IER2: variants seen among roughly 807,000 people sequenced by gnomAD.
IER2 encodes immediate early response 2.
For synonymous variants in IER2, 198 were observed against 149.6 expected, an observed-to-expected ratio of 1.32 and a Z score of -2.36; for missense variants, 372 against 325.4, an observed-to-expected ratio of 1.14 and a Z score of -1.10.
intron 1 of IER2, among the ~76,000 whole-genome samples, chr19:13,151,315 G>T (rs544505020): frequency 3.6e-4 from 55 of 152,006 alleles, no homozygotes; most frequent in Non-Finnish European, 7.7e-4. Context: ...TCGGCAGGTC[G>T]TCGCAGTCTG....
intron 1 of IER2, chr19:13,152,431 C>T (rs919110626): frequency 6.6e-6 from 1 of 152,284 alleles, no homozygotes; most frequent in Non-Finnish European, 1.5e-5. Context: ...GGCCCCCTTT[C>T]ACAGCAGTAG....
chr19:13,153,116 T>A lies in IER2; in HGVS notation c.-71T>A. On this transcript the variant is annotated 5_prime_UTR_variant, in exon 2 of 2. The change creates a new upstream start codon in the 5' untranslated region. Transcript: ENST00000292433. ...GTGTAGAGAGGCGTGAGCGAGCCCG[T>A]TGTCCGGAGTGCACCTGCTGCCTGT... 8.4e-7 allele frequency: 1 copy of A among 1,194,346 alleles called. No homozygotes were observed. Among genetic ancestry groups the A allele is most frequent in the Non-Finnish European group, 1.1e-6 (1 of 876,354 alleles). 74.0% of individuals were successfully genotyped at this position (1,194,346 alleles called of 1,614,324 possible).
rs1192258947 is a variant in IER2, at chr19:13,153,023, T to G, written c.-164T>G. 5 of 458,394 alleles carry G rather than the reference T, an allele frequency of 1.1e-5. No homozygotes were observed. The highest frequency in any genetic ancestry group is 9.0e-5 in the South Asian group (2 of 22,252). 28.4% of individuals were successfully genotyped at this position (458,394 alleles called of 1,614,324 possible). ...GGTGTCTCAGTGACGTCACTGGGGG[T>G]ATAAAAGGGCCTGGGTGGCGGGCGC... On this transcript the variant is annotated 5_prime_UTR_variant, in exon 2 of 2. Coordinates refer to ENST00000292433, the MANE Select transcript of IER2 (RefSeq NM_004907.3).
rs2020082397 is a variant in IER2, at chr19:13,152,948, G to A, written c.-239G>A. The A allele has an allele frequency of 1.0e-5, 4 of 385,978 alleles. No homozygotes were observed. Among genetic ancestry groups the A allele is most frequent in the Non-Finnish European group, 1.8e-5 (4 of 216,394 alleles). The allele number at this position is 385,978 out of a possible 1,614,324, so 23.9% of individuals were successfully genotyped here. On this transcript the variant is annotated 5_prime_UTR_variant, in exon 2 of 2. Coordinates refer to ENST00000292433, the MANE Select transcript of IER2 (RefSeq NM_004907.3). ...ATCGCATTCTGTCTCTTTAAGGAGTGTTTGGCCGCGACGAGTTGGAAAGCC... is the reference window on the plus strand; with the variant it reads ...ATCGCATTCTGTCTCTTTAAGGAGTATTTGGCCGCGACGAGTTGGAAAGCC...
At chr19:13,152,478 C>T (rs2020078148) in intron 1 of IER2, 1 of 152,282 alleles carries the variant, frequency 6.6e-6, no homozygotes, top group African/African-American at 2.4e-5. Flanking sequence ...GGCCTAGTGA[C>T]TCTGCCTTGG....
chr19:13,154,080 G>GGGGCGC lies in IER2; in HGVS notation c.*229_*234dup. On this transcript the variant is annotated 3_prime_UTR_variant, in exon 2 of 2. Transcript: ENST00000292433. ...GGACGGCACCGAGGAGTCTGAGCCGGGGGCGCGGGCGCCTTCCGCAGAGAC... is the reference window on the plus strand; with the variant it reads ...GGACGGCACCGAGGAGTCTGAGCCGGGGGCGCGGGCGCGGGCGCCTTCCGCAGAGAC... 2.0e-6 allele frequency: 1 copy of GGGGCGC among 493,660 alleles called. No homozygotes were observed. Among genetic ancestry groups the GGGGCGC allele is most frequent in the Non-Finnish European group, 3.6e-6 (1 of 277,144 alleles). 30.6% of individuals were successfully genotyped at this position (493,660 alleles called of 1,614,324 possible).
chr19:13,153,501 G>A lies in IER2; in HGVS notation c.315G>A (p.Glu105=). Residue 105 remains glutamate, a synonymous_variant, in exon 2 of 2, where the codon GAG becomes GAA. Transcript: ENST00000292433. ...ACACGCAGGAGGCGCCGACAGCCGA[G>A]GAGACCTCCGCCTGCTGTGCCCCGC... ...PMDTQEAPTA[E]ETSACCAPRP... is the part of the protein sequence containing the mutation. 1 of 1,584,838 alleles carries A rather than the reference G, an allele frequency of 6.3e-7. No homozygotes were observed. Among genetic ancestry groups the A allele is most frequent in the Non-Finnish European group, 8.6e-7 (1 of 1,166,560 alleles).
In IER2 at chr19:13,154,247, C is replaced by A; in HGVS notation, c.*389C>A. 1 of 214,064 alleles carries A rather than the reference C, an allele frequency of 4.7e-6. No individual in the cohort carries two copies. The highest frequency in any genetic ancestry group is 1.0e-5 in the Non-Finnish European group (1 of 99,602). The allele number at this position is 214,064 out of a possible 1,614,324, so 13.3% of individuals were successfully genotyped here. A position where few individuals can be genotyped will look rare whatever the true frequency, so the allele number is the denominator to read the frequency against. ...TAAAGATCTCCTCAGGGTCGGACTT[C>A]ATTTTGTACTGTGGGCTGTGCTGGC... is the stretch of plus-strand genomic sequence containing the variant. On this transcript the variant is annotated 3_prime_UTR_variant, in exon 2 of 2. Coordinates refer to ENST00000292433, the MANE Select transcript of IER2 (RefSeq NM_004907.3).
chr19:13,151,798 C>T (rs1259096939), intron 1 of IER2, among the ~76,000 whole-genome samples: 1 of 41,280 alleles, frequency 2.4e-5, no homozygotes, highest in African/African-American at 9.4e-5. Context: ...CCCGCCCCTC[C>T]GCGCCCCCCC....
At chr19:13,151,082 CAGTGGCGCTGTGTGTTGGGG>C (rs2020050285) in intron 1 of IER2, among the ~76,000 whole-genome samples, 4 of 151,880 alleles carry the variant, frequency 2.6e-5, no homozygotes, top group Admixed American at 2.0e-4. Flanking sequence ...CTATGTGTGA[CAGTGGCGCTGTGTGTTGGGG>C]AGCTTCGGGA....
At position 13,153,180 on chromosome 19, in the gene IER2, A is replaced by C; in HGVS notation, c.-7A>C. On this transcript the variant is annotated 5_prime_UTR_variant, in exon 2 of 2. Transcript: ENST00000292433. Reference sequence around the variant, plus strand: ...GGAGCCCCCGCCGCTGTCGCCGTCGAGTCGCCATGGAAGTGCAGAAAGAGG... The same window carrying C: ...GGAGCCCCCGCCGCTGTCGCCGTCGCGTCGCCATGGAAGTGCAGAAAGAGG... 1 of 1,499,268 alleles carries C rather than the reference A, an allele frequency of 6.7e-7. No homozygotes were observed. Among genetic ancestry groups the C allele is most frequent in the Non-Finnish European group, 8.9e-7 (1 of 1,125,270 alleles). The allele number at this position is 1,499,268 out of a possible 1,614,324, so 92.9% of individuals were successfully genotyped here.
In IER2 at chr19:13,153,414, AGCCGAGTCCACG is replaced by A; in HGVS notation, c.235_246del (p.Ser79_Glu82del). 6.3e-7 allele frequency: 1 copy of A among 1,593,326 alleles called. No homozygotes were observed. Among genetic ancestry groups the A allele is most frequent in the Admixed American group, 1.7e-5 (1 of 57,798 alleles). The stretch of plus-strand genomic sequence containing the variant: ...ACCCTCGCCTGCACCCGCCCCGAGA[AGCCGAGTCCACG>A]GCCGAGACAGCGACCCCCGACGGTG... On this transcript the variant is annotated inframe_deletion, in exon 2 of 2. Transcript: ENST00000292433.
At chr19:13,151,807 C>CA (rs59789192) in intron 1 of IER2, among the ~76,000 whole-genome samples, 49,603 of 149,904 alleles carry the variant, frequency 0.33, 10,339 homozygotes, top group East Asian at 0.78. Flanking sequence ...CCGCGCCCCC[C>CA]CCCCGGAAGC....
In IER2 at chr19:13,153,762, C is replaced by T. The variant is rs780575334; in HGVS notation, c.576C>T (p.Ala192=). ...GCCTCCTGAACTGCAGCCCCGCGGC[C>T]CCTCCGACGGCGCCGCCCGCGTGCG... ...FSGLLNCSPA[A]PPTAPPACEA... The change falls in exon 2 of 2, where the codon GCC becomes GCT. Residue 192 remains alanine, a synonymous_variant. Coordinates refer to ENST00000292433, the MANE Select transcript of IER2 (RefSeq NM_004907.3). 9.5e-6 allele frequency: 15 copies of T among 1,572,530 alleles called. No homozygotes were observed. In the Admixed American group the frequency reaches 1.1e-4, roughly 11 times the overall value.
chr19:13,151,841 T>C (rs1044689097), intron 1 of IER2: 2 of 145,454 alleles, frequency 1.4e-5, no homozygotes, highest in Admixed American at 6.8e-5. Context: ...GCTAAGGCGA[T>C]CACGGGCCCT....
chr19:13,153,150 TC>T lies in IER2; in HGVS notation c.-34del, dbSNP rs2020085831. ...GTGCACCTGCTGCCTGTTCTGTCCC[TC>T]CCGGGAGCCCCCGCCGCTGTCGCCG... On this transcript the variant is annotated 5_prime_UTR_variant, in exon 2 of 2. Coordinates refer to ENST00000292433, the MANE Select transcript of IER2 (RefSeq NM_004907.3). The T allele has an allele frequency of 3.4e-6, 5 of 1,467,892 alleles. No homozygotes were observed. The African/African-American group carries it at 7.2e-5, about 21-fold the overall frequency. The allele number at this position is 1,467,892 out of a possible 1,614,324, so 90.9% of individuals were successfully genotyped here.
Position 13,153,590 on chromosome 19 carries a change from T to G in IER2, c.404T>G (p.Leu135Arg), listed in dbSNP as rs776962388. ...SSLSDGGDAG[L>R]VPSKKARLEE... ...CTGAGCGACGGCGGGGACGCTGGAC[T>G]GGTCCCGAGCAAGAAAGCCCGTCTG... Residue 135 changes from leucine (L) to arginine (R), a missense_variant, in exon 2 of 2, where the codon CTG becomes CGG. Leu to Arg is a moderately radical substitution (Grantham distance 102). Transcript: ENST00000292433. 6.2e-7 allele frequency: 1 copy of G among 1,606,552 alleles called. No homozygotes were observed. The highest frequency in any genetic ancestry group is 8.5e-7 in the Non-Finnish European group (1 of 1,176,874).
In IER2 at chr19:13,153,409, C is replaced by T; in HGVS notation, c.223C>T (p.Arg75Ter). 1.3e-6 allele frequency: 2 copies of T among 1,591,620 alleles called. No homozygotes were observed. The highest frequency in any genetic ancestry group is 1.7e-5 in the Admixed American group (1 of 57,594). ...CTCTGACCCTCGCCTGCACCCGCCC[C>T]GAGAAGCCGAGTCCACGGCCGAGAC... ...LPSDPRLHPP[R>*]EAESTAETAT... is the part of the protein sequence containing the mutation. Residue 75 changes from arginine (R) to a stop codon, truncating the protein, a stop_gained, in exon 2 of 2, where the codon CGA becomes TGA. Coordinates refer to ENST00000292433, the MANE Select transcript of IER2 (RefSeq NM_004907.3). LOFTEE classifies it low-confidence loss of function (END_TRUNC).
In IER2 at chr19:13,150,458, G is replaced by A. The variant is rs1600028917; in HGVS notation, c.-338G>A. ...GGGGGCGGTGTCGGAGTTCTGTCTG[G>A]GCCTATTCGGGTCCGAGTTCGGAAT... On this transcript the variant is annotated 5_prime_UTR_variant, in exon 1 of 2. Coordinates refer to ENST00000292433, the MANE Select transcript of IER2 (RefSeq NM_004907.3). This position sits in a 1 kb window ranked among gnomAD's most constrained non-coding sequence, Gnocchi z 4.0. The A allele has an allele frequency of 2.5e-6, 1 of 392,876 alleles. No individual in the cohort carries two copies. The highest frequency in any genetic ancestry group is 4.6e-6 in the Non-Finnish European group (1 of 218,458). 24.3% of individuals were successfully genotyped at this position (392,876 alleles called of 1,614,324 possible). A position where few individuals can be genotyped will look rare whatever the true frequency, so the allele number is the denominator to read the frequency against.
Sources: allele counts gnomAD v4.1 joint callset (sites outside exome capture counted in the v4.1 genomes callset), GRCh38; gene constraint gnomAD v4.1.1; non-coding constraint Gnocchi (gnomAD v3.1); transcripts MANE v1.5; gene names NCBI Gene and HGNC (gene_info 2026-07-23, HGNC 2026-07-21).